MPP3: variants seen among roughly 807,000 people sequenced by gnomAD.
The protein encoded by MPP3 is MAGUK p55 scaffold protein 3.
Under a neutral mutation model 80.7 loss-of-function variants are expected in MPP3, and 48 were observed. That is an observed-to-expected ratio of 0.59 (90% CI 0.47 to 0.76). The LOEUF is 0.76. Among genes scored for constraint, MPP3 ranks in the 30% least tolerant of loss-of-function variants. MPP3 has a pLI of 0.00. For synonymous variants in MPP3, 311 were observed against 297.6 expected (o/e 1.04, Z -0.46); for missense variants, 620 against 763.0 (o/e 0.81, Z 2.21).
Position 43,811,198 on chromosome 17 carries a change from G to A in MPP3, c.1263C>T (p.Thr421=), listed in dbSNP as rs2044841365. Residue 421 remains threonine (T), a synonymous_variant, in exon 17 of 20, where the codon ACC becomes ACT. Transcript: ENST00000398389. ...CCTTCTCATGGCTCTTTCGGGGCCT[G>A]GTGGTATCTTTTAAAGAAAGAAGGA... ...QHFGVAVPHT[T]RPRKSHEKEG... is the part of the protein sequence containing the mutation. 1.9e-6 allele frequency: 3 copies of A among 1,613,286 alleles called. No homozygotes were observed. In the African/African-American group the frequency reaches 4.0e-5, roughly 22 times the overall value.
chr17:43,821,457 C>T (rs11079837), intron 10 of MPP3, among the ~76,000 whole-genome samples: 8 of 152,274 alleles, frequency 5.3e-5, no homozygotes, highest in Non-Finnish European at 1.0e-4. Flanking sequence ...ACTGCGCTGA[C>T]GGAAGGCAGC....
intron 10 of MPP3, 100 bp downstream of exon 10, chr17:43,823,831 G>A (rs1424268554): frequency 6.2e-6 from 5 of 810,448 alleles, no homozygotes; most frequent in African/African-American, 3.6e-5. Context: ...TGATCTGTTC[G>A]CAAATGACTG....
At chr17:43,803,478 A>G (rs548645691) in intron 19 of MPP3, among the ~76,000 whole-genome samples, 2 of 152,286 alleles carry the variant, frequency 1.3e-5, no homozygotes, top group Admixed American at 1.3e-4. Context: ...CGAAGATCAC[A>G]TAGGAAAGAT....
At chr17:43,814,607 C>A in intron 14 of MPP3, 2 of 394,566 alleles carry the variant, frequency 5.1e-6, no homozygotes, top group Non-Finnish European at 4.5e-6. Context: ...TGACCTTGGA[C>A]AAGTCCCTTC....
chr17:43,802,263 A>G (rs2044441962), intron 19 of MPP3, among the ~76,000 whole-genome samples: 1 of 152,238 alleles, frequency 6.6e-6, no homozygotes, highest in Non-Finnish European at 1.5e-5. Flanking sequence ...GACATTCAGT[A>G]CACAGGTTAA....
chr17:43,817,486 A>G (rs1403415961), intron 12 of MPP3, among the ~76,000 whole-genome samples: 6 of 152,254 alleles, frequency 3.9e-5, no homozygotes, highest in Admixed American at 2.0e-4. Flanking sequence ...ACTTCTTAGT[A>G]TAAGTATGCC....
chr17:43,803,729 G>A (rs2044506070), intron 19 of MPP3, among the ~76,000 whole-genome samples: 1 of 152,196 alleles, frequency 6.6e-6, no homozygotes, highest in African/African-American at 2.4e-5. Flanking sequence ...AAGGCTGTGT[G>A]TTAAAAATGG....
At position 43,810,933 on chromosome 17, in the gene MPP3, G is replaced by A. The variant is rs2044828361; in HGVS notation, c.1350-18C>T. 6.4e-7 allele frequency: 1 copy of A among 1,571,928 alleles called. No homozygotes were observed. Among genetic ancestry groups the A allele is most frequent in the African/African-American group, 1.4e-5 (1 of 73,086 alleles). On this transcript the variant is annotated intron_variant, in intron 17 of 19. Transcript: ENST00000398389. ...CCAGGAACCTAAAACACCACCAAAGGGGAAAAGGCCTTTAGTTCCTCAGCT... is the reference window on the plus strand; with the variant it reads ...CCAGGAACCTAAAACACCACCAAAGAGGAAAAGGCCTTTAGTTCCTCAGCT...
chr17:43,831,163 A>G, intron 5 of MPP3, 81 bp downstream of exon 5: 1 of 1,358,102 alleles, frequency 7.4e-7, no homozygotes, highest in Non-Finnish European at 1.1e-6. Flanking sequence ...GTGTCCCCAC[A>G]CTAAGCAAGC....
chr17:43,829,527 G>A, intron 7 of MPP3, 127 bp downstream of exon 7: 2 of 1,101,146 alleles, frequency 1.8e-6, no homozygotes, highest in Non-Finnish European at 2.6e-6. Flanking sequence ...ACAGGGATGA[G>A]CAGCAGCGCA....
chr17:43,825,564 G>T (rs1293004379), intron 9 of MPP3, 192 bp downstream of exon 9: 3 of 561,010 alleles, frequency 5.3e-6, no homozygotes, highest in Non-Finnish European at 9.6e-6. Flanking sequence ...GCAGATGGAA[G>T]GGAAGTTCCC....
intron 18 of MPP3, 69 bp downstream of exon 18, chr17:43,810,738 T>G (rs1016172096): frequency 1.9e-6 from 2 of 1,053,012 alleles, no homozygotes; most frequent in Non-Finnish European, 2.8e-6. Context: ...TTAAGTGTTG[T>G]GTAAAATGTA....
rs572758665 is a variant in MPP3, at chr17:43,811,427, T to G, written c.1256-222A>C. The G allele has an allele frequency of 9.0e-5, 49 of 542,554 alleles. No individual in the cohort carries two copies. In the East Asian group the frequency reaches 1.5e-3, roughly 17 times the overall value. The allele number at this position is 542,554 out of a possible 1,614,324, so 33.6% of individuals were successfully genotyped here. ...GATGTAGGCAAAAGGAGGCTTTTCC[T>G]TTTGCAGCTGAGAAAACTGAGGCAC... is the stretch of plus-strand genomic sequence containing the variant. On this transcript the variant is annotated intron_variant, in intron 16 of 19. Transcript: ENST00000398389.
At chr17:43,828,673 C>A (rs2045824064) in intron 7 of MPP3, among the ~76,000 whole-genome samples, 1 of 152,214 alleles carries the variant, frequency 6.6e-6, no homozygotes, top group Non-Finnish European at 1.5e-5. Flanking sequence ...CACATTTGCA[C>A]ACTTATTGTT....
chr17:43,825,755 C>G lies in MPP3; in HGVS notation c.609+1G>C. 1 of 1,605,706 alleles carries G rather than the reference C, an allele frequency of 6.2e-7. No individual in the cohort carries two copies. ...ATCCCTAGCAGGCTTGTAGCACGGA[C>G]CAGAATCTGGCTGATCTCGTCGGGC... On this transcript the variant is annotated splice_donor_variant, in intron 9 of 19. Coordinates refer to ENST00000398389, the MANE Select transcript of MPP3 (RefSeq NM_001932.6). LOFTEE classifies it high-confidence loss of function.
intron 14 of MPP3, chr17:43,815,600 T>C (rs887568592): frequency 5.1e-5 from 16 of 314,464 alleles, no homozygotes; most frequent in Middle Eastern, 1.1e-3. Context: ...GGCAAAACCC[T>C]GTCTCTAAAA....
chr17:43,806,979 C>CT (rs919824921), intron 19 of MPP3, among the ~76,000 whole-genome samples: 22 of 144,798 alleles, frequency 1.5e-4, no homozygotes, highest in South Asian at 4.4e-4. Flanking sequence ...TTTCTTGTGT[C>CT]TTTTTTTTTT....
At chr17:43,806,132 T>C (rs950860300) in intron 19 of MPP3, among the ~76,000 whole-genome samples, 2 of 152,114 alleles carry the variant, frequency 1.3e-5, no homozygotes, top group Admixed American at 1.3e-4. Context: ...TGTCATCAAA[T>C]ATTCCTCCAA....
chr17:43,820,710 A>G, intron 11 of MPP3, 152 bp downstream of exon 11: 1 of 663,808 alleles, frequency 1.5e-6, no homozygotes, highest in East Asian at 2.8e-5. Flanking sequence ...AGTTATGGGA[A>G]AAGACCAAAC....
Sources: allele counts gnomAD v4.1 joint callset (sites outside exome capture counted in the v4.1 genomes callset), GRCh38; gene constraint gnomAD v4.1.1; transcripts MANE v1.5; gene names NCBI Gene and HGNC (gene_info 2026-07-23, HGNC 2026-07-21).